The following RALB variants were observed in gnomAD, a reference collection of about 807,000 sequenced individuals.
RALB encodes ras-related protein Ral-B.
RALB carries 16 observed loss-of-function variants against 21.3 expected under a neutral mutation model. That is an observed-to-expected ratio of 0.75 (90% confidence interval 0.51 to 1.14). RALB has a LOEUF of 1.14. Ranked by LOEUF, RALB falls within the 50% of genes most tolerant of loss-of-function variation. RALB has a pLI of 0.00. For missense variants in RALB, 161 were observed against 256.2 expected (o/e 0.63, Z 2.54); for synonymous variants, 93 against 96.1 (o/e 0.97, Z 0.19).
chr2:120,258,122 G>A (rs1353243843), intron 1 of RALB, among the ~76,000 whole-genome samples: 1 of 152,116 alleles, frequency 6.6e-6, no homozygotes, highest in Non-Finnish European at 1.5e-5. Context: ...CAACATTCAA[G>A]CCTAATTATG....
intron 1 of RALB, among the ~76,000 whole-genome samples, chr2:120,254,736 G>A (rs998321000): frequency 5.9e-5 from 9 of 152,118 alleles, no homozygotes; most frequent in African/African-American, 2.2e-4. Flanking sequence ...GGAGTGGAGT[G>A]GTGTGATCAC....
At chr2:120,283,948 A>G (rs1478366734) in intron 2 of RALB, among the ~76,000 whole-genome samples, 1 of 152,232 alleles carries the variant, frequency 6.6e-6, no homozygotes, top group African/African-American at 2.4e-5. Context: ...GTATGTAGGT[A>G]CAGCAGGACA....
In RALB at chr2:120,291,177, T is replaced by C. The variant is rs1405900172; in HGVS notation, c.501+1420T>C. On this transcript the variant is annotated intron_variant, in intron 4 of 4. Transcript: ENST00000272519. Reference sequence around the variant, plus strand: ...TCGGCAAGATACATCTATTTGTATGTATCGTACATAAAAACATGTATCTTA... The same window carrying C: ...TCGGCAAGATACATCTATTTGTATGCATCGTACATAAAAACATGTATCTTA... Among the ~76,000 whole-genome samples, 6 of 152,348 alleles carry C rather than the reference T, an allele frequency of 3.9e-5. No homozygotes were observed. In the East Asian group the frequency reaches 1.2e-3, roughly 29 times the overall value.
At chr2:120,247,289 T>A (rs78355000) in intron 1 of RALB, among the ~76,000 whole-genome samples, 179 of 152,358 alleles carry the variant, frequency 1.2e-3, no homozygotes, top group African/African-American at 4.2e-3. Flanking sequence ...AGCAGAAAGA[T>A]AAGTCCAGCT....
At chr2:120,267,475 A>G (rs1273217247) in intron 1 of RALB, among the ~76,000 whole-genome samples, 1 of 152,200 alleles carries the variant, frequency 6.6e-6, no homozygotes, top group Non-Finnish European at 1.5e-5. Flanking sequence ...CAGCTACACA[A>G]GGGAAGGGGA....
In RALB at chr2:120,252,976, C is replaced by G; in HGVS notation, c.-52C>G. ...GGACGGCGGAGGCGGCGGGACTGGT[C>G]CCTGGTAAGGGCGCGGCGCCCGCGG... On this transcript the variant is annotated 5_prime_UTR_variant, in exon 1 of 5. Coordinates refer to ENST00000272519, the MANE Select transcript of RALB (RefSeq NM_002881.3). 2 of 984,908 alleles carry G rather than the reference C, an allele frequency of 2.0e-6. No individual in the cohort carries two copies. The highest frequency in any genetic ancestry group is 2.4e-6 in the Non-Finnish European group (2 of 829,948). 61.0% of individuals were successfully genotyped at this position (984,908 alleles called of 1,614,324 possible). A position where few individuals can be genotyped will look rare whatever the true frequency, so the allele number is the denominator to read the frequency against.
rs1320712484 is a variant in RALB, at chr2:120,267,396, A to G, written c.-47-11222A>G. On this transcript the variant is annotated intron_variant, in intron 1 of 4. Coordinates refer to ENST00000272519, the MANE Select transcript of RALB (RefSeq NM_002881.3). ...ATTCAACTTTCTGGTTTTTATAGAC[A>G]TGGAAAGTTGAGTCATAACGCGTAT... Among the ~76,000 whole-genome samples, 7 of 76,366 alleles carry G rather than the reference A, an allele frequency of 9.2e-5. No individual in the cohort carries two copies. The South Asian group carries it at 2.5e-3, about 27-fold the overall frequency. 50.1% of individuals were successfully genotyped at this position (76,366 alleles called of 152,430 possible).
chr2:120,258,970 G>T (rs1419285459), intron 1 of RALB, among the ~76,000 whole-genome samples: 1 of 151,172 alleles, frequency 6.6e-6, no homozygotes, highest in African/African-American at 2.4e-5. Context: ...TCGTGGTCTC[G>T]CTGGCTCAGG....
At chr2:120,252,624 C>G (rs1689079042), upstream of RALB, 1 of 216,960 alleles carries the variant, frequency 4.6e-6, no homozygotes, top group East Asian at 1.8e-4. Flanking sequence ...GAGAGAGAAA[C>G]AGAGGGGGAC....
At chr2:120,244,667 C>T (rs1688942342) in intron 1 of RALB, among the ~76,000 whole-genome samples, 1 of 152,218 alleles carries the variant, frequency 6.6e-6, no homozygotes, top group Admixed American at 6.5e-5. Context: ...CGTCCATGGA[C>T]AGATACTTGT....
intron 2 of RALB, chr2:120,280,744 G>A: frequency 3.6e-6 from 1 of 275,064 alleles, no homozygotes; most frequent in Non-Finnish European, 7.2e-6. Flanking sequence ...TAGTTGTGAA[G>A]CTGAAAGAAC....
rs1271741393 is a variant in RALB, at chr2:120,263,975, G to A, written c.-48+10995G>A. ...CGATTCTCCCTGCCTAAGCCTCCCT[G>A]GGAGCTGGGATTACAGATGCACGCC... On this transcript the variant is annotated intron_variant, in intron 1 of 4. Coordinates refer to ENST00000272519, the MANE Select transcript of RALB (RefSeq NM_002881.3). Among the ~76,000 whole-genome samples, 4 of 148,948 alleles carry A rather than the reference G, an allele frequency of 2.7e-5. No homozygotes were observed. The East Asian group carries it at 8.0e-4, about 30-fold the overall frequency.
chr2:120,254,199 T>C (rs1324404336), intron 1 of RALB, among the ~76,000 whole-genome samples: 1 of 152,138 alleles, frequency 6.6e-6, no homozygotes, highest in Non-Finnish European at 1.5e-5. Flanking sequence ...GCACGATCTT[T>C]CCCCCTCTGA....
intron 2 of RALB, among the ~76,000 whole-genome samples, chr2:120,285,495 A>C (rs1353345105): frequency 1.3e-5 from 2 of 152,204 alleles, no homozygotes; most frequent in African/African-American, 4.8e-5. Flanking sequence ...GGTGCAGCAC[A>C]CCAACATGAC....
intron 1 of RALB, among the ~76,000 whole-genome samples, chr2:120,265,420 G>A (rs1689478359): frequency 6.6e-6 from 1 of 152,238 alleles, no homozygotes; most frequent in Non-Finnish European, 1.5e-5. Context: ...GTCATTGACT[G>A]AAACTTCTTT....
At chr2:120,273,408 G>A (rs1308591288) in intron 1 of RALB, among the ~76,000 whole-genome samples, 2 of 152,222 alleles carry the variant, frequency 1.3e-5, no homozygotes, top group African/African-American at 4.8e-5. Context: ...CAATACTGAT[G>A]TTATCTATAG....
chr2:120,272,548 T>G (rs956454629), intron 1 of RALB, among the ~76,000 whole-genome samples: 1 of 152,230 alleles, frequency 6.6e-6, no homozygotes, highest in African/African-American at 2.4e-5. Flanking sequence ...ACAGGATGGT[T>G]GTTTCAACTT....
chr2:120,267,465 C>T (rs1223227183), intron 1 of RALB, among the ~76,000 whole-genome samples: 1 of 152,236 alleles, frequency 6.6e-6, no homozygotes, highest in Admixed American at 6.5e-5. Flanking sequence ...ATTAGAATAG[C>T]AGCTACACAA....
chr2:120,266,151 A>G (rs1413815549), intron 1 of RALB, among the ~76,000 whole-genome samples: 1 of 152,254 alleles, frequency 6.6e-6, no homozygotes, highest in Non-Finnish European at 1.5e-5. Context: ...ACAGTGGCTC[A>G]TGCCTGTAAT....
Sources: allele counts gnomAD v4.1 joint callset (sites outside exome capture counted in the v4.1 genomes callset), GRCh38; gene constraint gnomAD v4.1.1; transcripts MANE v1.5; gene names NCBI Gene and HGNC (gene_info 2026-07-23, HGNC 2026-07-21).